PRR33: variants seen among roughly 807,000 people sequenced by gnomAD.
The protein encoded by PRR33 is proline rich 33.
Under a neutral mutation model 0.5 loss-of-function variants are expected in PRR33, and 1 was observed. The observed-to-expected ratio is 2.18, with a 90% CI of 0.77 to 10.34. The LOEUF (loss-of-function observed/expected upper bound fraction) is 10.34, where lower values mean the gene tolerates loss of function less well. Ranked by LOEUF, PRR33 falls within the 30% of genes most tolerant of loss-of-function variation. PRR33 has a pLI of 0.13. For missense variants in PRR33, 552 were observed against 251.8 expected (o/e 2.19, Z -8.07); for synonymous variants, 226 against 110.0 (o/e 2.06, Z -6.60).
At chr11:1,894,328 G>T (rs72846724), upstream of PRR33, among the ~76,000 whole-genome samples, 51,745 of 151,894 alleles carry the variant, frequency 0.34, 10,676 homozygotes, top group Non-Finnish European at 0.48. Flanking sequence ...CAACCTCCTG[G>T]GCTCAACGGA....
the PRR33 span, among the ~76,000 whole-genome samples, chr11:1,917,282 G>T: frequency 6.6e-6 from 1 of 152,164 alleles, no homozygotes; most frequent in African/African-American, 2.4e-5. Context: ...ATGCGCACTG[G>T]GTGCTGGGAC....
the PRR33 span, among the ~76,000 whole-genome samples, chr11:1,907,105 T>C: frequency 6.6e-6 from 1 of 152,206 alleles, no homozygotes. Context: ...GCCATTGTGT[T>C]GTGTATTTTG....
At chr11:1,913,771 G>A in the PRR33 span, among the ~76,000 whole-genome samples, 1 of 152,232 alleles carries the variant, frequency 6.6e-6, no homozygotes, top group African/African-American at 2.4e-5. Context: ...GTCCCTGTCT[G>A]TTCCACTAAG....
chr11:1,889,146 C>T lies in PRR33; in HGVS notation c.1439G>A (p.Ter480=), dbSNP rs768232934. ...GCTCTGGGGGCCATTCTGGCCACTT[C>T]ACTGGAGCCTCCAGCCAGTCGCTGT... Residue 480 remains the stop codon, a stop_retained_variant, in exon 1 of 1, where the codon TGA becomes TAA. Coordinates refer to ENST00000640310, the Ensembl canonical transcript of PRR33. 25 of 655,812 alleles carry T rather than the reference C, an allele frequency of 3.8e-5. 1 individual carries two copies. The East Asian group carries it at 6.4e-4, about 17-fold the overall frequency. 40.6% of individuals were successfully genotyped at this position (655,812 alleles called of 1,614,324 possible).
At chr11:1,905,932 C>A in the PRR33 span, among the ~76,000 whole-genome samples, 1 of 151,724 alleles carries the variant, frequency 6.6e-6, no homozygotes, top group Non-Finnish European at 1.5e-5. Flanking sequence ...GATCCACCTG[C>A]CTCAGCCTCC....
the PRR33 span, among the ~76,000 whole-genome samples, chr11:1,901,999 G>A: frequency 4.6e-5 from 7 of 152,150 alleles, no homozygotes; most frequent in African/African-American, 9.7e-5. Flanking sequence ...TTGGGAGGCC[G>A]AGGCGGGTGG....
chr11:1,894,978 C>T (rs1215369151), upstream of PRR33, among the ~76,000 whole-genome samples: 1 of 152,206 alleles, frequency 6.6e-6, no homozygotes, highest in African/African-American at 2.4e-5. Context: ...GTGATTTTGG[C>T]TTGCGTGTCT....
chr11:1,890,610 A>G, exon 1 of PRR33: 1 of 696,800 alleles, frequency 1.4e-6, no homozygotes, highest in Admixed American at 2.0e-5. Context: ...TGGGAGGGAC[A>G]GTGGTCAGGC....
the PRR33 span, among the ~76,000 whole-genome samples, chr11:1,898,239 T>C: frequency 7.2e-6 from 1 of 138,860 alleles, no homozygotes; most frequent in Non-Finnish European, 1.6e-5. Flanking sequence ...GAGGGATACT[T>C]TTTTTTTTTT....
At chr11:1,898,407 T>G in the PRR33 span, among the ~76,000 whole-genome samples, 1 of 152,138 alleles carries the variant, frequency 6.6e-6, no homozygotes, top group African/African-American at 2.4e-5. Flanking sequence ...AGCTTATTTT[T>G]AATATTTTTA....
chr11:1,893,378 T>C (rs953492997), upstream of PRR33, among the ~76,000 whole-genome samples: 13 of 145,494 alleles, frequency 8.9e-5, no homozygotes, highest in Non-Finnish European at 1.8e-4. Context: ...GACTAATGGA[T>C]GGATGAGTGG....
the PRR33 span, among the ~76,000 whole-genome samples, chr11:1,911,712 C>T: frequency 2.0e-5 from 3 of 151,796 alleles, no homozygotes; most frequent in East Asian, 2.0e-4. Flanking sequence ...TGAGTCACTG[C>T]GCCCGGACCT....
At chr11:1,894,843 G>C (rs547535664), upstream of PRR33, among the ~76,000 whole-genome samples, 2 of 152,298 alleles carry the variant, frequency 1.3e-5, no homozygotes, top group South Asian at 4.1e-4. Flanking sequence ...GAAATAAAAC[G>C]ACTAGATGCC....
chr11:1,891,707 G>A (rs1281368257), exon 1 of PRR33: 5 of 152,720 alleles, frequency 3.3e-5, no homozygotes, highest in African/African-American at 9.7e-5. Flanking sequence ...GCTTGCAGGA[G>A]GCAGGTCTGT....
upstream of PRR33, among the ~76,000 whole-genome samples, chr11:1,894,952 G>A (rs531890554): frequency 2.8e-4 from 42 of 152,294 alleles, 1 homozygote; most frequent in South Asian, 8.5e-3. Context: ...CTTCCTAGAC[G>A]TGGAGGGTGC....
chr11:1,899,357 AAGGG>A, the PRR33 span, among the ~76,000 whole-genome samples: 1 of 152,094 alleles, frequency 6.6e-6, no homozygotes, highest in Non-Finnish European at 1.5e-5. Context: ...TGTGGGTGGC[AAGGG>A]CAGTCTTTCT....
At chr11:1,897,072 A>G in the PRR33 span, among the ~76,000 whole-genome samples, 1 of 152,206 alleles carries the variant, frequency 6.6e-6, no homozygotes, top group Non-Finnish European at 1.5e-5. The surrounding 1 kb of genome is among the most constrained non-coding windows in gnomAD (Gnocchi z 4.0). Context: ...AAACCGCCAG[A>G]GGGGCTGCAG....
the PRR33 span, among the ~76,000 whole-genome samples, chr11:1,906,954 T>G: frequency 6.6e-6 from 1 of 152,210 alleles, no homozygotes; most frequent in East Asian, 1.9e-4. Flanking sequence ...TCAGGGACTC[T>G]GTGGGCTCCA....
chr11:1,888,283 C>A (rs1848839654), exon 1 of PRR33, among the ~76,000 whole-genome samples: 1 of 152,202 alleles, frequency 6.6e-6, no homozygotes, highest in African/African-American at 2.4e-5. Flanking sequence ...TGGCTGACTG[C>A]TGAGTAGGCC....
Sources: allele counts gnomAD v4.1 joint callset (sites outside exome capture counted in the v4.1 genomes callset), GRCh38; gene constraint gnomAD v4.1.1; non-coding constraint Gnocchi (gnomAD v3.1); transcripts MANE v1.5; gene names NCBI Gene and HGNC (gene_info 2026-07-23, HGNC 2026-07-21).